Variants in PCDHA11 observed in about 807,000 individuals in gnomAD.
PCDHA11 encodes the protein protocadherin alpha-11.
PCDHA11 carries 61 observed loss-of-function variants against 70.3 expected under a neutral mutation model. That is an observed-to-expected ratio of 0.87 (90% CI 0.71 to 1.07). The LOEUF (loss-of-function observed/expected upper bound fraction) is 1.07, where lower values mean the gene tolerates loss of function less well. Among genes scored for constraint, PCDHA11 ranks in the 50% least tolerant of loss-of-function variants. The probability of loss-of-function intolerance (pLI) is 0.00; values close to 1 mark genes in which losing one functional copy is unlikely to be tolerated. For missense variants in PCDHA11, 1,324 were observed against 1,237.5 expected (o/e 1.07, Z -1.05); for synonymous variants, 633 against 555.1 (o/e 1.14, Z -1.97).
chr5:140,966,541 G>A (rs2096018356), intron 1 of PCDHA11: 2 of 462,844 alleles, frequency 4.3e-6, no homozygotes, highest in Admixed American at 4.3e-5. Context: ...TGAGCGACTC[G>A]GAGGCGAGCG....
intron 1 of PCDHA11, among the ~76,000 whole-genome samples, chr5:140,938,314 T>C (rs1026606524): frequency 2.0e-5 from 3 of 152,220 alleles, no homozygotes; most frequent in Non-Finnish European, 2.9e-5. Flanking sequence ...AGTATAAAAT[T>C]GAATAGAAGT....
Position 141,000,581 on chromosome 5 carries a change from C to G in PCDHA11, c.2540-9046C>G, listed in dbSNP as rs960660351. On this transcript the variant is annotated intron_variant, in intron 3 of 3. Transcript: ENST00000398640. ...TAGCTGGGATTACAGGTGCCTGCCA[C>G]CATGCCCAGCTAATTTTTGTATTTT... is the stretch of plus-strand genomic sequence containing the variant. 2.0e-5 allele frequency among the ~76,000 whole-genome samples: 3 copies of G among 150,722 alleles called. No individual in the cohort carries two copies. In the East Asian group the frequency reaches 5.8e-4, roughly 29 times the overall value.
At chr5:140,897,100 A>G (rs10054072) in intron 1 of PCDHA11, among the ~76,000 whole-genome samples, 2,117 of 151,950 alleles carry the variant, frequency 0.014, 42 homozygotes, top group African/African-American at 0.049. Context: ...CTCATTAAAA[A>G]TCTCCACTTT....
At chr5:140,967,233 A>G in intron 1 of PCDHA11, 1 of 1,613,728 alleles carries the variant, frequency 6.2e-7, no homozygotes, top group South Asian at 1.1e-5. Context: ...TACCAGCTTC[A>G]GGTAAGCGAA....
At chr5:140,967,980 A>C in intron 1 of PCDHA11, 1 of 1,614,198 alleles carries the variant, frequency 6.2e-7, no homozygotes, top group South Asian at 1.1e-5. Context: ...CTGGGTCTGG[A>C]GGCCACACTG....
intron 1 of PCDHA11, among the ~76,000 whole-genome samples, chr5:140,962,388 C>T (rs782676502): frequency 5.9e-5 from 9 of 152,254 alleles, no homozygotes; most frequent in South Asian, 4.1e-4. Flanking sequence ...GTTAATATTA[C>T]GCAATCTGCC....
At chr5:140,926,708 C>T in intron 1 of PCDHA11, 2 of 896,260 alleles carry the variant, frequency 2.2e-6, no homozygotes, top group Non-Finnish European at 3.1e-6. Flanking sequence ...CCCAGCTGGC[C>T]AGCCCCGGCA....
In PCDHA11 at chr5:140,869,280, G is replaced by A. The variant is rs1294171258; in HGVS notation, c.177G>A (p.Leu59=). 8 of 1,613,486 alleles carry A rather than the reference G, an allele frequency of 5.0e-6. No individual in the cohort carries two copies. In the African/African-American group the frequency reaches 8.0e-5, roughly 16 times the overall value. Residue 59 remains leucine, a synonymous_variant, in exon 1 of 4, where the codon CTG becomes CTA. Transcript: ENST00000398640. ...AQDLGLELAE[L]VQRLFRVASK... ...ACCTGGGGCTGGAGCTGGCGGAGCT[G>A]GTGCAGCGCCTGTTCCGGGTGGCGT...
intron 1 of PCDHA11, among the ~76,000 whole-genome samples, chr5:140,919,795 A>T (rs1554199259): frequency 6.6e-6 from 1 of 152,070 alleles, no homozygotes; most frequent in Non-Finnish European, 1.5e-5. Flanking sequence ...CTTGTGGTGG[A>T]TTGAATTGTG....
At chr5:140,879,375 C>T (rs2057967921) in intron 1 of PCDHA11, among the ~76,000 whole-genome samples, 1 of 152,076 alleles carries the variant, frequency 6.6e-6, no homozygotes, top group Non-Finnish European at 1.5e-5. Context: ...ACCTGCAGAA[C>T]AAGGTTGGAG....
chr5:140,905,540 C>T (rs1294771375), intron 1 of PCDHA11, among the ~76,000 whole-genome samples: 5 of 151,890 alleles, frequency 3.3e-5, no homozygotes, highest in African/African-American at 9.7e-5. Flanking sequence ...TCCATATGAA[C>T]TTTAGGATTG....
chr5:140,875,261 G>T, intron 1 of PCDHA11: 1 of 1,130,462 alleles, frequency 8.8e-7, no homozygotes, highest in East Asian at 2.7e-5. Flanking sequence ...ACATGATGTC[G>T]CTCTACACTC....
intron 1 of PCDHA11, among the ~76,000 whole-genome samples, chr5:140,944,351 C>A (rs530648518): frequency 6.6e-6 from 1 of 152,198 alleles, no homozygotes; most frequent in South Asian, 2.1e-4. Context: ...CCACACCTGG[C>A]TAATTTTTAA....
At chr5:140,941,286 CTCTTTCTT>C (rs5871754) in intron 1 of PCDHA11, among the ~76,000 whole-genome samples, 8 of 106,846 alleles carry the variant, frequency 7.5e-5, no homozygotes, top group East Asian at 5.2e-4. Context: ...TCCTTCCTTT[CTCTTTCTT>C]TCTTTCTTTC....
chr5:140,943,719 T>G (rs1198620937), intron 1 of PCDHA11, among the ~76,000 whole-genome samples: 2 of 152,126 alleles, frequency 1.3e-5, no homozygotes, highest in African/African-American at 4.8e-5. Context: ...TTTAAAGGTC[T>G]GAGAGAATGA....
chr5:140,898,593 C>A (rs1236439193), intron 1 of PCDHA11, among the ~76,000 whole-genome samples: 13 of 152,146 alleles, frequency 8.5e-5, no homozygotes, highest in Admixed American at 1.3e-4. Flanking sequence ...GTTACTGTAG[C>A]CTTGTAGTAT....
At chr5:140,877,467 G>C (rs1554169776) in intron 1 of PCDHA11, 3 of 1,613,752 alleles carry the variant, frequency 1.9e-6, no homozygotes, top group African/African-American at 2.7e-5. Flanking sequence ...CGGCCACGGT[G>C]CTGGTGTCGC....
At chr5:140,973,489 G>T (rs1554235344) in intron 1 of PCDHA11, among the ~76,000 whole-genome samples, 2 of 152,096 alleles carry the variant, frequency 1.3e-5, no homozygotes, top group African/African-American at 4.8e-5. Flanking sequence ...TTGGTCACAG[G>T]ACTCTTCTTC....
At chr5:140,877,030 C>G (rs1554169262) in intron 1 of PCDHA11, 5 of 1,612,300 alleles carry the variant, frequency 3.1e-6, no homozygotes, top group Non-Finnish European at 3.4e-6. Context: ...GGTGTACGCG[C>G]TGCAGCCGCT....
Sources: gnomAD v4.1 joint callset for allele counts (sites outside exome capture counted in the v4.1 genomes callset) on GRCh38, gnomAD v4.1.1 for gene constraint, MANE v1.5 for transcripts, NCBI Gene and HGNC (gene_info 2026-07-23, HGNC 2026-07-21) for gene names.